Variants in TRPA1 observed in about 807,000 individuals in gnomAD.
TRPA1 encodes ankyrin-like with transmembrane domains 1.
Under a neutral mutation model 131.3 loss-of-function variants are expected in TRPA1, and 129 were observed. The ratio of observed to expected loss-of-function variants is 0.98; its 90% CI spans 0.85 to 1.14. The LOEUF (loss-of-function observed/expected upper bound fraction) is 1.14, where lower values mean the gene tolerates loss of function less well. Among genes scored for constraint, TRPA1 ranks in the 50% most tolerant of loss-of-function variants. The pLI, the probability that TRPA1 is intolerant of heterozygous loss-of-function variation, is 0.00. For synonymous variants in TRPA1, 441 were observed against 451.7 expected (o/e 0.98, Z 0.30); for missense variants, 1,304 against 1,354.2 (o/e 0.96, Z 0.58).
chr8:72,037,483 A>G (rs2129433812), intron 20 of TRPA1, among the ~76,000 whole-genome samples: 1 of 152,260 alleles, frequency 6.6e-6, no homozygotes, highest in East Asian at 1.9e-4. Flanking sequence ...AAAGTGGAAT[A>G]TAAAGTAAAA....
rs1170210492 is a variant in TRPA1, at chr8:72,059,463, T to C, written c.945-25A>G. ...TCTGAAAAAACAGAATTATAAACAT[T>C]ATAATTAAAGTACTATTGATGTAAA... On this transcript the variant is annotated intron_variant, in intron 7 of 26. Coordinates refer to ENST00000262209, the MANE Select transcript of TRPA1 (RefSeq NM_007332.3). 2.7e-6 allele frequency: 4 copies of C among 1,456,916 alleles called. No individual in the cohort carries two copies. The Admixed American group carries it at 5.2e-5, about 19-fold the overall frequency. The allele number at this position is 1,456,916 out of a possible 1,614,324, so 90.2% of individuals were successfully genotyped here. A position where few individuals can be genotyped will look rare whatever the true frequency, so the allele number is the denominator to read the frequency against.
intron 23 of TRPA1, among the ~76,000 whole-genome samples, chr8:72,033,104 G>A (rs1235516923): frequency 2.6e-5 from 4 of 152,172 alleles, no homozygotes; most frequent in African/African-American, 7.2e-5. Context: ...GCATCTGAAC[G>A]TCGCAGATGC....
chr8:72,077,425 T>A (rs1449921558), upstream of TRPA1, among the ~76,000 whole-genome samples: 4 of 152,222 alleles, frequency 2.6e-5, no homozygotes, highest in African/African-American at 9.6e-5. Flanking sequence ...TTCTTGCTTC[T>A]CTACCCCACT....
chr8:72,075,685 G>A (rs1338292759), upstream of TRPA1: 5 of 488,940 alleles, frequency 1.0e-5, no homozygotes, highest in Admixed American at 9.9e-5. Flanking sequence ...GGGCGGCGGC[G>A]CCGCGTCTGC....
chr8:72,031,112 A>G (rs982100023), intron 23 of TRPA1, among the ~76,000 whole-genome samples: 1 of 152,250 alleles, frequency 6.6e-6, no homozygotes, highest in African/African-American at 2.4e-5. Flanking sequence ...TAAACAAAAC[A>G]GTCACAGAAT....
At position 72,075,312 on chromosome 8, in the gene TRPA1, T is replaced by C; in HGVS notation, c.98A>G (p.Lys33Arg). The C allele has an allele frequency of 6.2e-7, 1 of 1,613,330 alleles. No individual in the cohort carries two copies. Among genetic ancestry groups the C allele is most frequent in the Non-Finnish European group, 8.5e-7 (1 of 1,179,702 alleles). ...EDVPDDTEDF[K>R]ESLKVVFEGS... Reference sequence around the variant, plus strand: ...CCCCCAGAGTACCTTAAGCGATTCCTTGAAATCCTCCGTGTCGTCCGGCAC... The same window carrying C: ...CCCCCAGAGTACCTTAAGCGATTCCCTGAAATCCTCCGTGTCGTCCGGCAC... Residue 33 changes from lysine (K) to arginine (R), a missense_variant, in exon 1 of 27, where the codon AAG becomes AGG. Transcript: ENST00000262209.
rs144231501 is a variant in TRPA1, at chr8:72,070,953, G to T, written c.268+758C>A. Among the ~76,000 whole-genome samples the T allele has an allele frequency of 5.3e-5, 8 of 152,166 alleles. No individual in the cohort carries two copies. In the East Asian group the frequency reaches 1.4e-3, roughly 26 times the overall value. On this transcript the variant is annotated intron_variant, in intron 2 of 26. Coordinates refer to ENST00000262209, the MANE Select transcript of TRPA1 (RefSeq NM_007332.3). ...GTTTTCTCATATTCTTCCTTTTGGG[G>T]GATGATTAAATTATTAGCCTAATCT...
rs1480170927 is a variant in TRPA1 at position 72,039,104 on chromosome 8, G to T, written c.2133-77C>A. ...ACTTAAGATACCTGGGGAAAAAATG[G>T]TTATAACCTCTTTCAGAAACCTTGT... is the stretch of plus-strand genomic sequence containing the variant. On this transcript the variant is annotated intron_variant, in intron 18 of 26. Transcript: ENST00000262209. The T allele has an allele frequency of 3.5e-6, 5 of 1,427,466 alleles. No homozygotes were observed. The African/African-American group carries it at 5.6e-5, about 16-fold the overall frequency. The allele number at this position is 1,427,466 out of a possible 1,614,324, so 88.4% of individuals were successfully genotyped here.
chr8:72,025,133 TGTGC>T (rs1811550985), intron 25 of TRPA1, among the ~76,000 whole-genome samples: 1 of 111,146 alleles, frequency 9.0e-6, no homozygotes, highest in Non-Finnish European at 2.2e-5. Flanking sequence ...TGTGTGTGTG[TGTGC>T]GTGCTATGTT....
rs1554539962 is a variant in TRPA1, at chr8:72,071,803, C to T, written c.176G>A (p.Cys59Tyr). The part of the protein sequence containing the change: ...NFNKQKKLKR[C>Y]DDMDTFFLHY... Reference sequence around the variant, plus strand: ...CAAGAAGAAGGTGTCCATATCGTCACATCTTTTTAATTTCTTTTGCTTATT... The same window carrying T: ...CAAGAAGAAGGTGTCCATATCGTCATATCTTTTTAATTTCTTTTGCTTATT... The change falls in exon 2 of 27, where the codon TGT becomes TAT. Residue 59 changes from cysteine to tyrosine, a missense_variant. Physicochemically the swap from Cys to Tyr is radical, Grantham distance 194 (BLOSUM62 -2). Coordinates refer to ENST00000262209, the MANE Select transcript of TRPA1 (RefSeq NM_007332.3). The T allele has an allele frequency of 5.0e-6, 8 of 1,613,248 alleles. No individual in the cohort carries two copies. In the Middle Eastern group the frequency reaches 6.9e-4, roughly 139 times the overall value.
chr8:72,037,647 A>G (rs1037477591), intron 20 of TRPA1, among the ~76,000 whole-genome samples: 3 of 152,108 alleles, frequency 2.0e-5, no homozygotes, highest in Admixed American at 2.0e-4. Context: ...ATTTAAAATT[A>G]TCAAGTTCAA....
chr8:72,055,736 G>A lies in TRPA1; in HGVS notation c.1314C>T (p.Ser438=). The change falls in exon 11 of 27, where the codon TCC becomes TCT. Residue 438 remains serine, a synonymous_variant. Coordinates refer to ENST00000262209, the MANE Select transcript of TRPA1 (RefSeq NM_007332.3). ...SVNNLLGFNV[S]IHSKSKDKKS... ...TCTTATCTTTGCTTTTGGAATGAATGGACACATTAAAGCCAAGTAGGTTAT... is the reference window on the plus strand; with the variant it reads ...TCTTATCTTTGCTTTTGGAATGAATAGACACATTAAAGCCAAGTAGGTTAT... 2 of 1,613,184 alleles carry A rather than the reference G, an allele frequency of 1.2e-6. No individual in the cohort carries two copies. Among genetic ancestry groups the A allele is most frequent in the Non-Finnish European group, 1.7e-6 (2 of 1,179,428 alleles).
the TRPA1 span, among the ~76,000 whole-genome samples, chr8:72,081,755 T>C: frequency 6.6e-6 from 1 of 151,864 alleles, no homozygotes; most frequent in Non-Finnish European, 1.5e-5. Flanking sequence ...CTTTATGGTC[T>C]TTAGTAATAT....
intron 17 of TRPA1, chr8:72,041,125 C>G (rs1226839769): frequency 6.6e-6 from 1 of 151,900 alleles, no homozygotes; most frequent in Non-Finnish European, 1.5e-5. Flanking sequence ...AAACAAAGGA[C>G]AATATATAAT....
At chr8:72,041,885 G>T (rs1029883385) in intron 17 of TRPA1, among the ~76,000 whole-genome samples, 2 of 151,568 alleles carry the variant, frequency 1.3e-5, no homozygotes, top group Non-Finnish European at 3.0e-5. Context: ...ATGTAATAGA[G>T]AATAGAAAAA....
At position 72,022,998 on chromosome 8, in the gene TRPA1, T is replaced by C; in HGVS notation, c.3268A>G (p.Arg1090Gly). The C allele has an allele frequency of 6.2e-7, 1 of 1,613,912 alleles. No homozygotes were observed. The highest frequency in any genetic ancestry group is 8.5e-7 in the Non-Finnish European group (1 of 1,179,880). ...DDDSHCSFQD[R>G]FKKEQMEQRN... ...TGTTCCATCTGCTCTTTCTTAAACC[T>C]GTCTTGAAAAGAACAATGGCTATCA... The change falls in exon 27 of 27, where the codon AGG (arginine) becomes GGG (glycine). Residue 1090 changes from arginine (R) to glycine (G), a missense_variant. Physicochemically the swap from Arg to Gly is moderately radical, Grantham distance 125. Coordinates refer to ENST00000262209, the MANE Select transcript of TRPA1 (RefSeq NM_007332.3).
At chr8:72,059,715 T>G (rs1183358473) in intron 7 of TRPA1, among the ~76,000 whole-genome samples, 1 of 152,168 alleles carries the variant, frequency 6.6e-6, no homozygotes, top group African/African-American at 2.4e-5. Context: ...GTAAAGATGT[T>G]TGAAGTGAGT....
At chr8:72,048,375 T>G (rs1805403222) in intron 15 of TRPA1, among the ~76,000 whole-genome samples, 1 of 152,010 alleles carries the variant, frequency 6.6e-6, no homozygotes, top group South Asian at 2.1e-4. Flanking sequence ...AGGGTCAGAC[T>G]ATATCCAGAA....
chr8:72,041,632 A>G (rs191569855), intron 17 of TRPA1, among the ~76,000 whole-genome samples: 1 of 152,078 alleles, frequency 6.6e-6, no homozygotes, highest in East Asian at 1.9e-4. Flanking sequence ...AAGACAAAAT[A>G]AAACAGAAAT....
Sources: gnomAD v4.1 joint callset for allele counts (sites outside exome capture counted in the v4.1 genomes callset) on GRCh38, gnomAD v4.1.1 for gene constraint, MANE v1.5 for transcripts, NCBI Gene and HGNC (gene_info 2026-07-23, HGNC 2026-07-21) for gene names.